DENND5B: variants seen among roughly 807,000 people sequenced by gnomAD.
DENND5B encodes DENN domain-containing protein 5B.
DENND5B carries 34 observed loss-of-function variants against 140.6 expected under a neutral mutation model. The ratio of observed to expected loss-of-function variants is 0.24; its 90% CI spans 0.18 to 0.32. The LOEUF (loss-of-function observed/expected upper bound fraction) is 0.32. DENND5B is among the 10% of genes least tolerant of loss of function. DENND5B has a pLI of 1.00. For synonymous variants in DENND5B, 551 were observed against 562.1 expected, an observed-to-expected ratio of 0.98 and a Z score of 0.28; for missense variants, 1,142 against 1,560.2, an observed-to-expected ratio of 0.73 and a Z score of 4.52.
intron 17 of DENND5B, 119 bp downstream of exon 17, chr12:31,398,056 C>A: frequency 4.0e-6 from 4 of 992,590 alleles, no homozygotes; most frequent in Non-Finnish European, 4.1e-6. Flanking sequence ...ATGAATTTTC[C>A]TCAACTTTCT....
At chr12:31,397,463 G>A (rs572946419) in intron 17 of DENND5B, among the ~76,000 whole-genome samples, 3 of 136,390 alleles carry the variant, frequency 2.2e-5, no homozygotes, top group Admixed American at 8.4e-5. Context: ...CAGGAGAATC[G>A]TTTGAACCCG....
At chr12:31,584,607 G>T (rs1259416) in intron 1 of DENND5B, among the ~76,000 whole-genome samples, 11,853 of 152,106 alleles carry the variant, frequency 0.078, 1,057 homozygotes, top group African/African-American at 0.22. Context: ...TTGAGCTCAG[G>T]AGTTTGAGAT....
chr12:31,440,081 C>T (rs1943967527), intron 7 of DENND5B, among the ~76,000 whole-genome samples: 1 of 151,816 alleles, frequency 6.6e-6, no homozygotes, highest in Admixed American at 6.6e-5. Flanking sequence ...GGAAAATTCT[C>T]TTAATTATCA....
Position 31,409,338 on chromosome 12 carries a change from C to G in DENND5B, c.2728G>C (p.Glu910Gln). The stretch of plus-strand genomic sequence containing the variant: ...GAAAGAAGGTGGTAAAGAAACTGCT[C>G]TCTTTCTTCTTCGCAACGTAGAAAA... ...YAFLRCEEEREQFLYHLLSLN... is the reference protein window; with the variant it reads ...YAFLRCEEERQQFLYHLLSLN... Residue 910 changes from glutamate (E) to glutamine (Q), a missense_variant, in exon 14 of 21, where the codon GAG becomes CAG. Physicochemically the swap from Glu to Gln is conservative, Grantham distance 29. This residue lies in a region of DENND5B where 268 missense variants were observed against 349.2 expected (regional missense o/e 0.77). Coordinates refer to ENST00000389082, the MANE Select transcript of DENND5B (RefSeq NM_144973.4). The G allele has an allele frequency of 6.4e-7, 1 of 1,564,332 alleles. No homozygotes were observed. Among genetic ancestry groups the G allele is most frequent in the East Asian group, 2.4e-5 (1 of 42,550 alleles).
At chr12:31,415,204 C>A (rs1942666104) in intron 12 of DENND5B, among the ~76,000 whole-genome samples, 163 bp downstream of exon 12, 1 of 152,136 alleles carries the variant, frequency 6.6e-6, no homozygotes, top group Non-Finnish European at 1.5e-5. Context: ...GGAAACACTA[C>A]AATGGTATAA....
At chr12:31,431,082 C>T (rs1943487959) in intron 8 of DENND5B, among the ~76,000 whole-genome samples, 1 of 152,186 alleles carries the variant, frequency 6.6e-6, no homozygotes. Flanking sequence ...TTTTATAATA[C>T]AGTCTAGAAG....
chr12:31,389,452 A>G lies in DENND5B; in HGVS notation c.3513T>C (p.Asn1171=), dbSNP rs1028587558. 14 of 1,602,768 alleles carry G rather than the reference A, an allele frequency of 8.7e-6. No homozygotes were observed. The highest frequency in any genetic ancestry group is 1.3e-5 in the African/African-American group (1 of 74,812). ...YFETTDQILD[N]EDDVLIQKSS... The stretch of plus-strand genomic sequence containing the variant: ...ATTTCTGAATAAGGACATCATCTTC[A>G]TTATCTAGAATCTGGTCAGTTGTTT... The change falls in exon 20 of 21, where the codon AAT becomes AAC. Residue 1171 remains asparagine (N), a synonymous_variant. Transcript: ENST00000389082.
Position 31,574,267 on chromosome 12 carries a change from A to AAATAAT in DENND5B, c.127+16433_127+16438dup, listed in dbSNP as rs60548839. 2.1e-3 allele frequency among the ~76,000 whole-genome samples: 188 copies of AAATAAT among 89,716 alleles called. 2 individuals carry two copies. The highest frequency in any genetic ancestry group is 1.0e-2 in the South Asian group (24 of 2,412). 58.9% of individuals were successfully genotyped at this position (89,716 alleles called of 152,430 possible). On this transcript the variant is annotated intron_variant, in intron 1 of 20. Coordinates refer to ENST00000389082, the MANE Select transcript of DENND5B (RefSeq NM_144973.4). ...GAGAGAATGAGACCCTGTCTCTAAAAAATAATAATAATAATAATAATAATA... is the reference window on the plus strand; with the variant it reads ...GAGAGAATGAGACCCTGTCTCTAAAAAATAATAATAATAATAATAATAATAATAATA...
intron 7 of DENND5B, among the ~76,000 whole-genome samples, chr12:31,436,103 C>A (rs1013246379): frequency 2.0e-5 from 3 of 150,446 alleles, no homozygotes; most frequent in African/African-American, 7.3e-5. Context: ...CTGCCTAAAG[C>A]CCCCCCACTT....
At chr12:31,470,242 G>A (rs1244219968) in intron 3 of DENND5B, among the ~76,000 whole-genome samples, 1 of 151,074 alleles carries the variant, frequency 6.6e-6, no homozygotes, top group Non-Finnish European at 1.5e-5. Context: ...AGCCTCCCGA[G>A]TAGCTGGGAT....
At chr12:31,486,547 C>G (rs1946318030) in intron 2 of DENND5B, among the ~76,000 whole-genome samples, 1 of 152,202 alleles carries the variant, frequency 6.6e-6, no homozygotes, top group Non-Finnish European at 1.5e-5. Context: ...CACTTATGCA[C>G]TGTCTATGGA....
intron 11 of DENND5B, among the ~76,000 whole-genome samples, chr12:31,417,153 G>C (rs1439622283): frequency 6.7e-6 from 1 of 150,142 alleles, no homozygotes; most frequent in Non-Finnish European, 1.5e-5. Context: ...TCAGGAGATC[G>C]AGACCACCCT....
At chr12:31,578,425 G>A (rs1201694197) in intron 1 of DENND5B, among the ~76,000 whole-genome samples, 1 of 152,076 alleles carries the variant, frequency 6.6e-6, no homozygotes, top group Non-Finnish European at 1.5e-5. Flanking sequence ...TTCCTAAAAG[G>A]CTTTATTAAT....
chr12:31,500,088 T>G (rs756728764), intron 1 of DENND5B, among the ~76,000 whole-genome samples: 1 of 152,214 alleles, frequency 6.6e-6, no homozygotes, highest in Non-Finnish European at 1.5e-5. Context: ...TTGAAATATT[T>G]GCATTATATT....
chr12:31,467,146 GGA>G (rs1491402527), intron 3 of DENND5B, among the ~76,000 whole-genome samples: 360 of 27,506 alleles, frequency 0.013, 3 homozygotes, highest in East Asian at 0.088. Context: ...AGAGTACTAA[GGA>G]AAAAAAAAAA....
intron 3 of DENND5B, among the ~76,000 whole-genome samples, chr12:31,471,648 A>G (rs754404435): frequency 2.0e-5 from 3 of 151,982 alleles, no homozygotes; most frequent in Non-Finnish European, 2.9e-5. Flanking sequence ...CATTTTATAG[A>G]TAAGTATCAT....
chr12:31,531,822 A>G lies in DENND5B; in HGVS notation c.128-35903T>C, dbSNP rs1255309921. On this transcript the variant is annotated intron_variant, in intron 1 of 20. Coordinates refer to ENST00000389082, the MANE Select transcript of DENND5B (RefSeq NM_144973.4). ...TTATATCTCCATTCTACTCACTACA[A>G]CAGAAAAGCTGGAACTGGCCTAGAA... Among the ~76,000 whole-genome samples the G allele has an allele frequency of 3.3e-5, 5 of 152,168 alleles. No homozygotes were observed. In the East Asian group the frequency reaches 9.7e-4, roughly 29 times the overall value.
intron 5 of DENND5B, among the ~76,000 whole-genome samples, chr12:31,448,272 C>CT (rs2095903457): frequency 2.6e-5 from 4 of 152,122 alleles, no homozygotes; most frequent in Middle Eastern, 3.4e-3. Context: ...GTAGCTGGGA[C>CT]TACAGGCGCC....
At chr12:31,388,014 A>C (rs1019872784) in intron 20 of DENND5B, among the ~76,000 whole-genome samples, 6 of 152,220 alleles carry the variant, frequency 3.9e-5, no homozygotes, top group Admixed American at 3.3e-4. Context: ...CCATTATTTT[A>C]AACCCAATTT....
Sources: gnomAD v4.1 joint callset for allele counts (sites outside exome capture counted in the v4.1 genomes callset) on GRCh38, gnomAD v4.1.1 for gene constraint, gnomAD v4.1.1 regional missense constraint, MANE v1.5 for transcripts, NCBI Gene and HGNC (gene_info 2026-07-23, HGNC 2026-07-21) for gene names.